BAZ2B: variants seen among roughly 807,000 people sequenced by gnomAD.
BAZ2B encodes the protein bromodomain adjacent to zinc finger domain protein 2B.
In BAZ2B, 91 loss-of-function variants were observed where a neutral mutation model predicts 246.0. The ratio of observed to expected loss-of-function variants is 0.37; its 90% CI spans 0.31 to 0.44. The LOEUF (loss-of-function observed/expected upper bound fraction) is 0.44. BAZ2B is among the 20% of genes least tolerant of loss of function. The pLI is 1.00. For missense variants in BAZ2B, 2,332 were observed against 2,533.7 expected (o/e 0.92, Z 1.71); for synonymous variants, 855 against 860.0 (o/e 0.99, Z 0.10).
chr2:159,487,400 G>T (rs2079960062), intron 2 of BAZ2B, among the ~76,000 whole-genome samples: 2 of 152,184 alleles, frequency 1.3e-5, no homozygotes, highest in Non-Finnish European at 2.9e-5. Context: ...TAAACCATTG[G>T]TTTAATGAAT....
the BAZ2B span, among the ~76,000 whole-genome samples, chr2:159,640,198 T>C: frequency 4.0e-4 from 61 of 152,112 alleles, no homozygotes; most frequent in Non-Finnish European, 8.1e-4. Context: ...CAGCCAGATA[T>C]ATAAAGCAAA....
intron 2 of BAZ2B, among the ~76,000 whole-genome samples, chr2:159,487,782 A>T (rs1263271399): frequency 6.6e-6 from 1 of 151,688 alleles, no homozygotes; most frequent in Non-Finnish European, 1.5e-5. Context: ...CAATCAGATA[A>T]AGAAAAAAAA....
chr2:159,411,249 C>T (rs1422018171), intron 14 of BAZ2B, among the ~76,000 whole-genome samples: 3 of 152,112 alleles, frequency 2.0e-5, no homozygotes, highest in Admixed American at 2.0e-4. Flanking sequence ...GTCTTAAATT[C>T]CTGGCCTCAA....
At chr2:159,708,296 C>T in the BAZ2B span, among the ~76,000 whole-genome samples, 1 of 152,126 alleles carries the variant, frequency 6.6e-6, no homozygotes. Flanking sequence ...GCCTCATGTA[C>T]TTAAAAACAT....
the BAZ2B span, among the ~76,000 whole-genome samples, chr2:159,661,441 T>C: frequency 6.6e-6 from 1 of 152,238 alleles, no homozygotes; most frequent in Non-Finnish European, 1.5e-5. Flanking sequence ...TCCTCTTTTT[T>C]TCTTGGGCAA....
At chr2:159,695,222 T>C in the BAZ2B span, 1 of 152,204 alleles carries the variant, frequency 6.6e-6, no homozygotes, top group Non-Finnish European at 1.5e-5. Flanking sequence ...GTTTTTATTG[T>C]TGAGTTTTAA....
chr2:159,622,106 C>CAA, the BAZ2B span, among the ~76,000 whole-genome samples: 56 of 129,740 alleles, frequency 4.3e-4, no homozygotes, highest in African/African-American at 1.2e-3. Flanking sequence ...AACTCCATCT[C>CAA]AAAAAAAAAA....
Position 159,523,064 on chromosome 2 carries a change from C to G in BAZ2B, c.-3+32759G>C, listed in dbSNP as rs182427032. ...GGAGGATCACTTGAGGCCAGGAGTT[C>G]AACACTAGCCCAGGCAACACAACGA... On this transcript the variant is annotated intron_variant, in intron 2 of 36. Transcript: ENST00000392783. Among the ~76,000 whole-genome samples the G allele has an allele frequency of 2.6e-5, 4 of 152,094 alleles. No individual in the cohort carries two copies. In the East Asian group the frequency reaches 7.7e-4, roughly 29 times the overall value.
At chr2:159,685,826 G>A in the BAZ2B span, among the ~76,000 whole-genome samples, 22 of 152,120 alleles carry the variant, frequency 1.4e-4, no homozygotes, top group Admixed American at 1.4e-3. Flanking sequence ...TTCCTTACAG[G>A]ATATGTAAGA....
chr2:159,666,363 G>C, the BAZ2B span, among the ~76,000 whole-genome samples: 2 of 148,962 alleles, frequency 1.3e-5, no homozygotes, highest in Non-Finnish European at 3.0e-5. Context: ...TGACTCAGGT[G>C]ATCTTCCAAC....
intron 1 of BAZ2B, among the ~76,000 whole-genome samples, chr2:159,615,036 AT>A (rs1463371807): frequency 6.6e-6 from 1 of 152,206 alleles, no homozygotes; most frequent in East Asian, 1.9e-4. Context: ...AGGAAAAAAA[AT>A]GGAGGATATT....
At chr2:159,363,797 C>A (rs2059952381) in intron 27 of BAZ2B, among the ~76,000 whole-genome samples, 2 of 152,096 alleles carry the variant, frequency 1.3e-5, no homozygotes, top group Non-Finnish European at 2.9e-5. Context: ...TGAGATGAAA[C>A]ATGATACTGA....
chr2:159,387,561 C>T (rs988405817), intron 21 of BAZ2B, among the ~76,000 whole-genome samples: 12 of 152,084 alleles, frequency 7.9e-5, no homozygotes, highest in African/African-American at 2.9e-4. Context: ...TGTGGAAACA[C>T]AAAACTATAG....
chr2:159,691,314 A>G, the BAZ2B span, among the ~76,000 whole-genome samples: 5 of 152,208 alleles, frequency 3.3e-5, no homozygotes, highest in African/African-American at 4.8e-5. Context: ...AAATCTGCAC[A>G]TAACTTTTGA....
chr2:159,364,772 G>T (rs1483372891), intron 27 of BAZ2B, among the ~76,000 whole-genome samples: 1 of 152,198 alleles, frequency 6.6e-6, no homozygotes, highest in Non-Finnish European at 1.5e-5. Flanking sequence ...CAGATGTTGT[G>T]TGACACTATA....
In BAZ2B at chr2:159,457,916, TA is replaced by T. The variant is rs531085902; in HGVS notation, c.146-4116del. 3.9e-3 allele frequency among the ~76,000 whole-genome samples: 597 copies of T among 152,296 alleles called. 5 individuals carry two copies. Among genetic ancestry groups the T allele is most frequent in the Middle Eastern group, 0.017 (5 of 292 alleles). On this transcript the variant is annotated intron_variant, in intron 3 of 36. Coordinates refer to ENST00000392783, the MANE Select transcript of BAZ2B (RefSeq NM_013450.4). Reference sequence around the variant, plus strand: ...CCAAGCCTCCCTTCCACTTGGTCTGTAAAAGGAAAGTTTTCATAATTCCTAG... The same window carrying T: ...CCAAGCCTCCCTTCCACTTGGTCTGTAAAGGAAAGTTTTCATAATTCCTAG...
the BAZ2B span, among the ~76,000 whole-genome samples, chr2:159,652,666 ATTG>A: frequency 6.6e-6 from 1 of 152,030 alleles, no homozygotes; most frequent in African/African-American, 2.4e-5. Context: ...GGCTTCATGC[ATTG>A]TTGAGTGGTA....
intron 19 of BAZ2B, 178 bp downstream of exon 19, chr2:159,397,166 AC>A (rs1212076392): frequency 6.9e-7 from 1 of 1,443,272 alleles, no homozygotes; most frequent in East Asian, 2.6e-5. Flanking sequence ...CAATTTTTTA[AC>A]CCCCCAAAAA....
At position 159,382,646 on chromosome 2, in the gene BAZ2B, GTCATCGTCATCA is replaced by G; in HGVS notation, c.3906_3917del (p.Asp1303_Asp1306del). 1 of 1,588,568 alleles carries G rather than the reference GTCATCGTCATCA, an allele frequency of 6.3e-7. No individual in the cohort carries two copies. The highest frequency in any genetic ancestry group is 8.6e-7 in the Non-Finnish European group (1 of 1,164,956). ...CATCTTCATCCCCTTGGTCATCACT[GTCATCGTCATCA>G]TCATCGTCATAATCACTGTCTCCTC... On this transcript the variant is annotated inframe_deletion, in exon 25 of 37. Coordinates refer to ENST00000392783, the MANE Select transcript of BAZ2B (RefSeq NM_013450.4).
Sources: gnomAD v4.1 joint callset for allele counts (sites outside exome capture counted in the v4.1 genomes callset) on GRCh38, gnomAD v4.1.1 for gene constraint, MANE v1.5 for transcripts, NCBI Gene and HGNC (gene_info 2026-07-23, HGNC 2026-07-21) for gene names.